ADAMTSL1: variants seen among roughly 807,000 people sequenced by gnomAD.
ADAMTSL1 encodes the protein ADAMTS-like protein 1.
Under a neutral mutation model 201.8 loss-of-function variants are expected in ADAMTSL1, and 126 were observed. The ratio of observed to expected loss-of-function variants is 0.62; its 90% CI spans 0.54 to 0.72. The LOEUF is 0.72. Ranked by LOEUF, ADAMTSL1 falls within the 30% of genes least tolerant of loss-of-function variation. ADAMTSL1 has a pLI of 0.00. For synonymous variants in ADAMTSL1, 1,121 were observed against 903.4 expected (o/e 1.24, Z -4.32); for missense variants, 2,679 against 2,277.8 (o/e 1.18, Z -3.59).
intron 1 of ADAMTSL1, among the ~76,000 whole-genome samples, chr9:17,959,891 C>A (rs1473785311): frequency 6.6e-6 from 1 of 152,156 alleles, no homozygotes; most frequent in Non-Finnish European, 1.5e-5. Context: ...TTATGACCTT[C>A]CAACAATGAT....
rs565375297 is a variant in ADAMTSL1, at chr9:18,821,080, T to C, written c.3934+3843T>C. The stretch of plus-strand genomic sequence containing the variant: ...GATTATGGTACAGTTTAGGTTTTTC[T>C]CCTAAAAGCAAAGGAAGTATTTGAA... On this transcript the variant is annotated intron_variant, in intron 21 of 28. Transcript: ENST00000380548. Among the ~76,000 whole-genome samples, 26 of 152,288 alleles carry C rather than the reference T, an allele frequency of 1.7e-4. No individual in the cohort carries two copies. In the South Asian group the frequency reaches 4.6e-3, roughly 27 times the overall value.
At chr9:17,990,042 T>A (rs1476328363) in intron 1 of ADAMTSL1, among the ~76,000 whole-genome samples, 1 of 151,880 alleles carries the variant, frequency 6.6e-6, no homozygotes, top group Non-Finnish European at 1.5e-5. Context: ...CATAGACTTG[T>A]TAAATGAAAA....
At chr9:18,612,657 T>C (rs1255809391) in intron 4 of ADAMTSL1, among the ~76,000 whole-genome samples, 1 of 152,242 alleles carries the variant, frequency 6.6e-6, no homozygotes, top group Admixed American at 6.5e-5. Flanking sequence ...CTGGGATAAC[T>C]GTCTAGCCAT....
chr9:17,912,900 A>G (rs1338874215), intron 1 of ADAMTSL1, among the ~76,000 whole-genome samples: 1 of 152,074 alleles, frequency 6.6e-6, no homozygotes, highest in African/African-American at 2.4e-5. Context: ...AGCTTTCTAC[A>G]TATGGCTAGC....
intron 15 of ADAMTSL1, among the ~76,000 whole-genome samples, chr9:18,732,478 C>T (rs1554744792): frequency 1.3e-5 from 2 of 152,134 alleles, no homozygotes; most frequent in Non-Finnish European, 2.9e-5. Flanking sequence ...GCAGGGGAGA[C>T]AGAGTCCAAA....
intron 3 of ADAMTSL1, among the ~76,000 whole-genome samples, chr9:18,544,589 A>G (rs975698606): frequency 7.2e-5 from 11 of 152,086 alleles, no homozygotes; most frequent in Non-Finnish European, 8.8e-5. Flanking sequence ...ATGACCATTG[A>G]GTGATATGAG....
chr9:18,329,872 G>A (rs1446315605), intron 2 of ADAMTSL1, among the ~76,000 whole-genome samples: 1 of 152,206 alleles, frequency 6.6e-6, no homozygotes, highest in Non-Finnish European at 1.5e-5. Context: ...CATATGCAGT[G>A]GCTAGCAGAA....
chr9:18,164,559 GATTTGTA>G (rs1827549932), intron 2 of ADAMTSL1, among the ~76,000 whole-genome samples: 1 of 151,610 alleles, frequency 6.6e-6, no homozygotes, highest in Admixed American at 6.6e-5. Flanking sequence ...ATCAAACTGT[GATTTGTA>G]ATTTGGACTT....
At position 18,341,997 on chromosome 9, in the gene ADAMTSL1, G is replaced by A. The variant is rs184854394; in HGVS notation, c.208-162832G>A. ...TGGGCATAATATACCATATGATGCC[G>A]TATTCTGTCTGTACTGAATACTTTT... On this transcript the variant is annotated intron_variant, in intron 2 of 29. Coordinates refer to the ADAMTSL1 transcript ENST00000680146. Among the ~76,000 whole-genome samples, 80 of 152,226 alleles carry A rather than the reference G, an allele frequency of 5.3e-4. No individual in the cohort carries two copies. In the South Asian group the frequency reaches 0.013, roughly 26 times the overall value.
chr9:18,276,525 G>T (rs1832594931), intron 2 of ADAMTSL1, among the ~76,000 whole-genome samples: 1 of 152,068 alleles, frequency 6.6e-6, no homozygotes, highest in Admixed American at 6.6e-5. Context: ...ATTCCATTTT[G>T]CATCTCTATA....
intron 23 of ADAMTSL1, among the ~76,000 whole-genome samples, chr9:18,847,692 G>C (rs1826218761): frequency 6.6e-6 from 1 of 152,204 alleles, no homozygotes; most frequent in Non-Finnish European, 1.5e-5. Context: ...GGCACAGGAA[G>C]AATGAGTGCG....
chr9:18,851,717 G>T (rs141002293), intron 23 of ADAMTSL1, among the ~76,000 whole-genome samples: 1 of 152,216 alleles, frequency 6.6e-6, no homozygotes, highest in Non-Finnish European at 1.5e-5. Flanking sequence ...GCAGTGGCCT[G>T]TCAACACTTG....
At chr9:18,775,647 C>A in intron 17 of ADAMTSL1, 96 bp from the exon 18 acceptor site, 2 of 1,482,294 alleles carry the variant, frequency 1.3e-6, no homozygotes, top group Admixed American at 2.0e-5. Context: ...CTTTTCCAAG[C>A]AAATTTCTCA....
intron 23 of ADAMTSL1, among the ~76,000 whole-genome samples, chr9:18,866,926 A>G (rs997265024): frequency 6.6e-6 from 1 of 152,210 alleles, no homozygotes; most frequent in African/African-American, 2.4e-5. Flanking sequence ...GGCTTGCTGT[A>G]CATACATGTT....
intron 15 of ADAMTSL1, among the ~76,000 whole-genome samples, chr9:18,735,001 T>C (rs547852111): frequency 6.6e-6 from 1 of 152,336 alleles, no homozygotes; most frequent in East Asian, 1.9e-4. Context: ...TTATGCCAAC[T>C]GTTAAAAATG....
intron 1 of ADAMTSL1, among the ~76,000 whole-genome samples, chr9:18,146,850 CAT>C (rs1191846924): frequency 6.6e-6 from 1 of 152,066 alleles, no homozygotes; most frequent in Non-Finnish European, 1.5e-5. Flanking sequence ...AAATATTATA[CAT>C]GTTAAAGCAT....
intron 2 of ADAMTSL1, among the ~76,000 whole-genome samples, chr9:18,528,039 G>T (rs553327158): frequency 6.6e-6 from 1 of 151,844 alleles, no homozygotes; most frequent in African/African-American, 2.4e-5. Context: ...CACCATGCCC[G>T]GCTAATTTTT....
intron 2 of ADAMTSL1, among the ~76,000 whole-genome samples, chr9:18,339,578 A>G (rs772099764): frequency 6.6e-6 from 1 of 152,176 alleles, no homozygotes; most frequent in Non-Finnish European, 1.5e-5. Context: ...CAAAATTACC[A>G]TTTGTCACAG....
chr9:18,233,766 C>T lies in ADAMTSL1; in HGVS notation c.207+69785C>T, dbSNP rs140606701. 2.4e-4 allele frequency among the ~76,000 whole-genome samples: 36 copies of T among 152,242 alleles called. No individual in the cohort carries two copies. In the East Asian group the frequency reaches 5.0e-3, roughly 21 times the overall value. ...CCAGAAGCACTGTACTGCTGATGGACGGAACAGCACTTACACGCTTTCTTC... is the reference window on the plus strand; with the variant it reads ...CCAGAAGCACTGTACTGCTGATGGATGGAACAGCACTTACACGCTTTCTTC... On this transcript the variant is annotated intron_variant, in intron 2 of 29. Coordinates refer to the ADAMTSL1 transcript ENST00000680146.
Sources: gnomAD v4.1 joint callset for allele counts (sites outside exome capture counted in the v4.1 genomes callset) on GRCh38, gnomAD v4.1.1 for gene constraint, MANE v1.5 for transcripts, NCBI Gene and HGNC (gene_info 2026-07-23, HGNC 2026-07-21) for gene names.